The following PRKCB variants were observed in gnomAD, a reference collection of about 807,000 sequenced individuals.
PRKCB encodes the protein protein kinase C beta.
Under a neutral mutation model 81.5 loss-of-function variants are expected in PRKCB, and 13 were observed. The ratio of observed to expected loss-of-function variants is 0.16; its 90% CI spans 0.10 to 0.25. PRKCB has a LOEUF of 0.25. PRKCB is among the 10% of genes least tolerant of loss of function. PRKCB has a pLI of 1.00. For synonymous variants in PRKCB, 335 were observed against 321.4 expected, an observed-to-expected ratio of 1.04 and a Z score of -0.45; for missense variants, 509 against 875.7, an observed-to-expected ratio of 0.58 and a Z score of 5.29.
chr16:24,194,275 G>A (rs1192941855), intron 16 of PRKCB, among the ~76,000 whole-genome samples: 3 of 152,100 alleles, frequency 2.0e-5, no homozygotes, highest in South Asian at 4.1e-4. Context: ...GCAGTGAGCT[G>A]AGATTGTGCC....
rs1368447456 is a variant in PRKCB at position 23,981,819 on chromosome 16, C to T, written c.206-6689C>T. ...CTTCCCCTTCCCTTCCCCTTCCCTT[C>T]CCCTTCCCCTTCCCTTCCCTTCCCT... On this transcript the variant is annotated intron_variant, in intron 2 of 16. Transcript: ENST00000643927. Among the ~76,000 whole-genome samples, 10 of 4,720 alleles carry T rather than the reference C, an allele frequency of 2.1e-3. 1 individual carries two copies. The highest frequency in any genetic ancestry group is 2.3e-3 in the African/African-American group (2 of 868). The allele number at this position is 4,720 out of a possible 152,430, so 3.1% of individuals were successfully genotyped here.
intron 2 of PRKCB, among the ~76,000 whole-genome samples, chr16:23,845,217 C>CG (rs1446071978): frequency 6.6e-6 from 1 of 152,018 alleles, no homozygotes; most frequent in Non-Finnish European, 1.5e-5. Context: ...TATGATGTAG[C>CG]GGGGGGAGAT....
intron 2 of PRKCB, among the ~76,000 whole-genome samples, chr16:23,945,160 G>T (rs1964187746): frequency 6.6e-6 from 1 of 152,154 alleles, no homozygotes; most frequent in African/African-American, 2.4e-5. Context: ...TCATTTCAAT[G>T]ATCAAAGTTC....
intron 2 of PRKCB, among the ~76,000 whole-genome samples, chr16:23,968,306 T>C (rs1035187655): frequency 1.3e-5 from 2 of 152,102 alleles, no homozygotes; most frequent in East Asian, 3.8e-4. Context: ...GAAAGGACTA[T>C]TTAGGGAGAC....
intron 2 of PRKCB, among the ~76,000 whole-genome samples, chr16:23,934,354 T>A (rs1964029058): frequency 6.6e-6 from 1 of 151,142 alleles, no homozygotes; most frequent in Non-Finnish European, 1.5e-5. Flanking sequence ...AAAGCTCTAG[T>A]TTTCCCTTAT....
chr16:23,897,468 T>C (rs1464941615), intron 2 of PRKCB, among the ~76,000 whole-genome samples: 1 of 152,254 alleles, frequency 6.6e-6, no homozygotes, highest in Admixed American at 6.5e-5. Flanking sequence ...TTTATAAGTC[T>C]GGAAAACAGG....
intron 3 of PRKCB, among the ~76,000 whole-genome samples, chr16:24,024,723 G>A (rs533903531): frequency 2.0e-5 from 3 of 152,334 alleles, no homozygotes; most frequent in African/African-American, 7.2e-5. Flanking sequence ...TGAGCCAAGT[G>A]TCCACCTCTG....
At chr16:23,916,993 C>G (rs1963750732) in intron 2 of PRKCB, among the ~76,000 whole-genome samples, 1 of 152,016 alleles carries the variant, frequency 6.6e-6, no homozygotes, top group African/African-American at 2.4e-5. Context: ...CCAGGCTGGT[C>G]TTAAACTCCT....
chr16:23,971,559 A>G (rs1047364097), intron 2 of PRKCB, among the ~76,000 whole-genome samples: 1 of 152,192 alleles, frequency 6.6e-6, no homozygotes, highest in African/African-American at 2.4e-5. Flanking sequence ...GCAAGAGACG[A>G]GAAGGTGGGA....
chr16:23,969,500 T>G (rs1349580345), intron 2 of PRKCB, among the ~76,000 whole-genome samples: 3 of 152,226 alleles, frequency 2.0e-5, no homozygotes, highest in African/African-American at 7.2e-5. Flanking sequence ...ACAGTCAAGT[T>G]ACTTAACTTT....
intron 5 of PRKCB, among the ~76,000 whole-genome samples, chr16:24,088,112 G>C (rs865916488): frequency 5.3e-5 from 8 of 152,166 alleles, no homozygotes; most frequent in Admixed American, 1.3e-4. Flanking sequence ...TTGCTTCCGC[G>C]ATACATATGC....
chr16:24,003,818 A>G (rs1965074906), intron 3 of PRKCB, among the ~76,000 whole-genome samples: 1 of 152,204 alleles, frequency 6.6e-6, no homozygotes. Flanking sequence ...AGTGTATGTT[A>G]TAAGAAGAGT....
intron 5 of PRKCB, among the ~76,000 whole-genome samples, chr16:24,089,345 C>A (rs1966346744): frequency 6.6e-6 from 1 of 152,132 alleles, no homozygotes; most frequent in Non-Finnish European, 1.5e-5. Context: ...AATTTTTATG[C>A]ACACTAAGGT....
intron 5 of PRKCB, among the ~76,000 whole-genome samples, chr16:24,055,406 C>T (rs538147263): frequency 2.0e-5 from 3 of 152,310 alleles, no homozygotes; most frequent in South Asian, 4.1e-4. Context: ...ATTGTCTGTT[C>T]CTCCTCCCCT....
At chr16:23,968,686 A>G (rs1964518991) in intron 2 of PRKCB, among the ~76,000 whole-genome samples, 1 of 152,094 alleles carries the variant, frequency 6.6e-6, no homozygotes, top group Admixed American at 6.5e-5. Context: ...AATCAGAGAG[A>G]AAAAAATGGA....
intron 9 of PRKCB, among the ~76,000 whole-genome samples, chr16:24,131,007 C>A (rs1314731185): frequency 6.6e-6 from 1 of 152,130 alleles, no homozygotes; most frequent in Non-Finnish European, 1.5e-5. Context: ...ACTCCACACA[C>A]AAAAAACTTC....
intron 6 of PRKCB, among the ~76,000 whole-genome samples, chr16:24,093,496 G>T (rs1223361333): frequency 6.6e-6 from 1 of 152,202 alleles, no homozygotes; most frequent in African/African-American, 2.4e-5. Context: ...CAAACACTGG[G>T]TTAAGCGATC....
intron 2 of PRKCB, among the ~76,000 whole-genome samples, chr16:23,986,511 C>T (rs970101833): frequency 2.0e-5 from 3 of 152,172 alleles, no homozygotes; most frequent in African/African-American, 7.2e-5. Flanking sequence ...CTTGGTGTCC[C>T]AAAGTGCTGG....
chr16:24,217,534 C>T lies in PRKCB; in HGVS notation c.*2718C>T. 1 of 985,468 alleles carries T rather than the reference C, an allele frequency of 1.0e-6. No individual in the cohort carries two copies. The highest frequency in any genetic ancestry group is 1.2e-6 in the Non-Finnish European group (1 of 829,958). The allele number at this position is 985,468 out of a possible 1,614,324, so 61.0% of individuals were successfully genotyped here. A position where few individuals can be genotyped will look rare whatever the true frequency, so the allele number is the denominator to read the frequency against. ...AATGATCTCAACAGAGAAGCTTATT[C>T]TCTCCCAACTTCTACGGTAAAATCC... On this transcript the variant is annotated 3_prime_UTR_variant, in exon 17 of 17. Coordinates refer to ENST00000643927, the MANE Select transcript of PRKCB (RefSeq NM_002738.7).
Sources: allele counts gnomAD v4.1 joint callset (sites outside exome capture counted in the v4.1 genomes callset), GRCh38; gene constraint gnomAD v4.1.1; transcripts MANE v1.5; gene names NCBI Gene and HGNC (gene_info 2026-07-23, HGNC 2026-07-21).